The following NUMB variants were observed in gnomAD, a reference collection of about 807,000 sequenced individuals.
NUMB encodes protein numb homolog.
In NUMB, 29 loss-of-function variants were observed where a neutral mutation model predicts 59.7. The observed-to-expected ratio is 0.49, with a 90% confidence interval of 0.36 to 0.66. The LOEUF (loss-of-function observed/expected upper bound fraction) is 0.66. Among genes scored for constraint, NUMB ranks in the 30% least tolerant of loss-of-function variants. The probability of loss-of-function intolerance (pLI) is 0.00; values close to 1 mark genes in which losing one functional copy is unlikely to be tolerated. For synonymous variants in NUMB, 288 were observed against 288.2 expected, an observed-to-expected ratio of 1.00 and a Z score of 0.01; for missense variants, 723 against 822.0, an observed-to-expected ratio of 0.88 and a Z score of 1.47.
intron 2 of NUMB, among the ~76,000 whole-genome samples, chr14:73,393,737 A>C (rs186142262): frequency 6.6e-6 from 1 of 152,310 alleles, no homozygotes; most frequent in East Asian, 1.9e-4. Context: ...TCTGGCTCCT[A>C]ATCTAATAAA....
In NUMB at chr14:73,276,783, T is replaced by C. The variant is rs749035049; in HGVS notation, c.1751A>G (p.Asn584Ser). 3.1e-6 allele frequency: 5 copies of C among 1,614,074 alleles called. No homozygotes were observed. The highest frequency in any genetic ancestry group is 2.2e-5 in the East Asian group (1 of 44,872). ...TACACCATTGAAAGCTGCAGAACCG[T>C]TGAGGTGCTGAGCAGGAGGCTTAAA... ...PFFKPPAQHL[N>S]GSAAFNGVDD... is the part of the protein sequence containing the mutation. Residue 584 changes from asparagine to serine, a missense_variant, in exon 13 of 13, where the codon AAC becomes AGC. By Grantham distance (46) the Asn-to-Ser change is conservative. Transcript: ENST00000555238.
chr14:73,377,648 A>AAACAAC (rs374834634), intron 2 of NUMB, among the ~76,000 whole-genome samples: 2 of 151,686 alleles, frequency 1.3e-5, no homozygotes, highest in African/African-American at 4.8e-5. Flanking sequence ...ACAAACAAAC[A>AAACAAC]AACAACAACA....
At chr14:73,439,385 C>A (rs1882857732) in intron 1 of NUMB, among the ~76,000 whole-genome samples, 1 of 152,066 alleles carries the variant, frequency 6.6e-6, no homozygotes, top group South Asian at 2.1e-4. Context: ...GAAAAAGACC[C>A]AATTTAGAGT....
intron 6 of NUMB, among the ~76,000 whole-genome samples, chr14:73,306,284 T>C (rs1594887387): frequency 6.6e-6 from 1 of 152,170 alleles, no homozygotes; most frequent in African/African-American, 2.4e-5. Flanking sequence ...GCAATTTAGC[T>C]CTTCTAGTTT....
At chr14:73,424,890 T>C (rs1368555513) in intron 1 of NUMB, among the ~76,000 whole-genome samples, 1 of 152,264 alleles carries the variant, frequency 6.6e-6, no homozygotes, top group African/African-American at 2.4e-5. Context: ...ATGACTAGAA[T>C]GACGGCTTTA....
At chr14:73,365,849 A>C (rs1440980398) in intron 3 of NUMB, among the ~76,000 whole-genome samples, 1 of 152,232 alleles carries the variant, frequency 6.6e-6, no homozygotes, top group Non-Finnish European at 1.5e-5. Context: ...TACAATAAAC[A>C]AGTATGAGAA....
chr14:73,373,695 G>T (rs555278922), intron 2 of NUMB, among the ~76,000 whole-genome samples: 74 of 149,188 alleles, frequency 5.0e-4, no homozygotes, highest in African/African-American at 1.7e-3. Context: ...CACTGAGAAA[G>T]GAAAGCTTCC....
chr14:73,456,650 AAC>A (rs1373395600), intron 1 of NUMB, among the ~76,000 whole-genome samples: 1 of 152,364 alleles, frequency 6.6e-6, no homozygotes, highest in East Asian at 1.9e-4. Context: ...CAGTTTGAAA[AAC>A]ACAGGCTAAA....
rs771833850 is a variant in NUMB, at chr14:73,276,941, G to C, written c.1593C>G (p.Pro531=). 6.2e-7 allele frequency: 1 copy of C among 1,614,194 alleles called. No individual in the cohort carries two copies. Among genetic ancestry groups the C allele is most frequent in the Non-Finnish European group, 8.5e-7 (1 of 1,180,048 alleles). ...APNVPVVGIT[P]SQMVANVFGT... is the part of the protein sequence containing the mutation. The stretch of plus-strand genomic sequence containing the variant: ...CAAATACGTTGGCCACCATCTGGGA[G>C]GGAGTGATGCCCACCACAGGCACAT... The change falls in exon 13 of 13, where the codon CCC becomes CCG. Residue 531 remains proline, a synonymous_variant. Coordinates refer to ENST00000555238, the MANE Select transcript of NUMB (RefSeq NM_001005743.2).
At position 73,385,496 on chromosome 14, in the gene NUMB, C is replaced by CTTT. The variant is rs35526624; in HGVS notation, c.-100-18518_-100-18516dup. Reference sequence around the variant, plus strand: ...AAAATAGCTACATATGGCTAGTGGCCTTTTTTTTTTTTTTTTTTTTTTTGA... The same window carrying CTTT: ...AAAATAGCTACATATGGCTAGTGGCCTTTTTTTTTTTTTTTTTTTTTTTTTTGA... On this transcript the variant is annotated intron_variant, in intron 2 of 12. Transcript: ENST00000555238. Among the ~76,000 whole-genome samples the CTTT allele has an allele frequency of 7.7e-3, 505 of 65,262 alleles. 16 individuals carry two copies. Among genetic ancestry groups the CTTT allele is most frequent in the African/African-American group, 0.018 (296 of 16,884 alleles). 42.8% of individuals were successfully genotyped at this position (65,262 alleles called of 152,430 possible).
chr14:73,292,594 A>G, intron 8 of NUMB, 140 bp downstream of exon 8: 1 of 690,846 alleles, frequency 1.4e-6, no homozygotes, highest in South Asian at 2.1e-5. Context: ...TATTTGAATA[A>G]AAGGAGCTGA....
Position 73,442,072 on chromosome 14 carries a change from C to T in NUMB, c.-233+16421G>A, listed in dbSNP as rs8022591. On this transcript the variant is annotated intron_variant, in intron 1 of 12. Coordinates refer to ENST00000555238, the MANE Select transcript of NUMB (RefSeq NM_001005743.2). ...TACACAAAAACAATGAAAAGAGACCCGGCACAGTAGCTCACACTTGTAGTC... is the reference window on the plus strand; with the variant it reads ...TACACAAAAACAATGAAAAGAGACCTGGCACAGTAGCTCACACTTGTAGTC... 6.9e-3 allele frequency among the ~76,000 whole-genome samples: 1,046 copies of T among 151,486 alleles called. 5 individuals are homozygous for T. The highest frequency in any genetic ancestry group is 0.03 in the South Asian group (144 of 4,792).
chr14:73,368,216 T>C (rs565794343), intron 2 of NUMB, among the ~76,000 whole-genome samples: 1 of 152,272 alleles, frequency 6.6e-6, no homozygotes, highest in African/African-American at 2.4e-5. Flanking sequence ...ATATATTAAA[T>C]ATTTGATGTA....
chr14:73,413,635 G>A (rs1896996655), intron 1 of NUMB, among the ~76,000 whole-genome samples: 2 of 151,908 alleles, frequency 1.3e-5, no homozygotes, highest in South Asian at 4.2e-4. Context: ...GTGCGCATCT[G>A]TAGTCCCAGC....
At chr14:73,313,964 A>G (rs1036232156) in intron 6 of NUMB, among the ~76,000 whole-genome samples, 2 of 152,148 alleles carry the variant, frequency 1.3e-5, no homozygotes, top group Non-Finnish European at 2.9e-5. Flanking sequence ...GCACATGCCG[A>G]GGCGGGCAGA....
intron 1 of NUMB, among the ~76,000 whole-genome samples, chr14:73,417,060 T>G (rs1897157311): frequency 6.6e-6 from 1 of 151,374 alleles, no homozygotes; most frequent in Non-Finnish European, 1.5e-5. Flanking sequence ...GGAGAGGAGA[T>G]CGGTCACAGG....
At chr14:73,379,184 T>C (rs1425934157) in intron 2 of NUMB, among the ~76,000 whole-genome samples, 4 of 152,232 alleles carry the variant, frequency 2.6e-5, no homozygotes, top group African/African-American at 7.2e-5. Context: ...GCAACTCACA[T>C]TTCTAAATCT....
intron 2 of NUMB, among the ~76,000 whole-genome samples, chr14:73,406,268 C>G (rs1476513780): frequency 7.5e-6 from 1 of 132,648 alleles, no homozygotes; most frequent in Non-Finnish European, 1.6e-5. Context: ...TGACAGGCCC[C>G]GGTGTGTGAT....
At chr14:73,308,430 A>G (rs1253104922) in intron 6 of NUMB, among the ~76,000 whole-genome samples, 2 of 152,164 alleles carry the variant, frequency 1.3e-5, no homozygotes, top group Non-Finnish European at 2.9e-5. Flanking sequence ...TCGAAGAGAA[A>G]AAGTTTAATA....
Sources: allele counts gnomAD v4.1 joint callset (sites outside exome capture counted in the v4.1 genomes callset), GRCh38; gene constraint gnomAD v4.1.1; transcripts MANE v1.5; gene names NCBI Gene and HGNC (gene_info 2026-07-23, HGNC 2026-07-21).